The following TJP2 variants were observed in gnomAD, a reference collection of about 807,000 sequenced individuals.
The protein encoded by TJP2 is tight junction protein 2, also known as Friedreich ataxia region gene X104 (tight junction protein ZO-2).
A neutral mutation model predicts 133.1 loss-of-function variants in TJP2; 91 were observed. The ratio of observed to expected loss-of-function variants is 0.68; its 90% CI spans 0.58 to 0.81. The LOEUF (loss-of-function observed/expected upper bound fraction) is 0.81, where lower values mean the gene tolerates loss of function less well. Among genes scored for constraint, TJP2 ranks in the 40% least tolerant of loss-of-function variants. TJP2 has a pLI of 0.00. For synonymous variants in TJP2, 592 were observed against 583.4 expected (o/e 1.01, Z -0.21); for missense variants, 1,541 against 1,565.6 (o/e 0.98, Z 0.26).
chr9:69,149,268 G>T (rs548475558), intron 1 of TJP2, among the ~76,000 whole-genome samples: 8 of 152,284 alleles, frequency 5.3e-5, no homozygotes, highest in African/African-American at 1.9e-4. Context: ...TTTAATAAAA[G>T]AAATAAGCTC....
chr9:69,127,170 C>T lies in TJP2; in HGVS notation c.-131+5445C>T, dbSNP rs1220643846. 5.5e-5 allele frequency among the ~76,000 whole-genome samples: 4 copies of T among 73,014 alleles called. 2 individuals carry two copies. The highest frequency in any genetic ancestry group is 8.4e-5 in the African/African-American group (2 of 23,710). The allele number at this position is 73,014 out of a possible 152,430, so 47.9% of individuals were successfully genotyped here. On this transcript the variant is annotated intron_variant, in intron 1 of 5. Transcript: ENST00000423935. Reference sequence around the variant, plus strand: ...CTGCAAGCTCTGCCTCCCGGGTTCACGCCATTCTCCTGCCTCAGCCTCCTG... The same window carrying T: ...CTGCAAGCTCTGCCTCCCGGGTTCATGCCATTCTCCTGCCTCAGCCTCCTG...
At position 69,189,656 on chromosome 9, in the gene TJP2, A is replaced by G. The variant is rs527298702; in HGVS notation, c.60+15224A>G. 3.1e-4 allele frequency among the ~76,000 whole-genome samples: 10 copies of G among 32,072 alleles called. 3 individuals carry two copies. Among genetic ancestry groups the G allele is most frequent in the African/African-American group, 7.0e-4 (10 of 14,202 alleles). 21.0% of individuals were successfully genotyped at this position (32,072 alleles called of 152,430 possible). A position where few individuals can be genotyped will look rare whatever the true frequency, so the allele number is the denominator to read the frequency against. ...CACTTTTTTTTTTTTTTTAAGTTTA[A>G]AAAAGTTAAAAAAAAAAAAAGACAA... On this transcript the variant is annotated intron_variant, in intron 1 of 22. Transcript: ENST00000377245.
At chr9:69,137,237 CTTT>C (rs1822777626) in intron 1 of TJP2, among the ~76,000 whole-genome samples, 3 of 35,566 alleles carry the variant, frequency 8.4e-5, no homozygotes, top group African/African-American at 2.7e-4. Flanking sequence ...TTCTTTCTTT[CTTT>C]CTCTCTCTCT....
chr9:69,249,795 G>T, intron 20 of TJP2: 7 of 973,816 alleles, frequency 7.2e-6, no homozygotes, highest in Non-Finnish European at 7.3e-6. Flanking sequence ...TGTATACCCA[G>T]AATCACCAAT....
intron 1 of TJP2, among the ~76,000 whole-genome samples, chr9:69,192,213 T>C (rs1003413741): frequency 6.6e-6 from 1 of 151,670 alleles, no homozygotes; most frequent in African/African-American, 2.4e-5. Flanking sequence ...CTTGGGAGAC[T>C]GAGGCAGGAG....
intron 2 of TJP2, among the ~76,000 whole-genome samples, chr9:69,152,790 G>C (rs1263622884): frequency 1.3e-5 from 1 of 77,312 alleles, no homozygotes; most frequent in Non-Finnish European, 2.8e-5. Context: ...TGTGGGTTTT[G>C]TTTACTGAAA....
At chr9:69,151,573 G>A in intron 1 of TJP2, 2 of 1,228,208 alleles carry the variant, frequency 1.6e-6, no homozygotes, top group Non-Finnish European at 2.0e-6. Context: ...ATGGTATGTG[G>A]ACTTCAGTGC....
chr9:69,182,788 C>CTTTT (rs35602682), intron 1 of TJP2, among the ~76,000 whole-genome samples: 2 of 129,420 alleles, frequency 1.5e-5, no homozygotes, highest in African/African-American at 2.9e-5. Context: ...TGATGAATTT[C>CTTTT]TTTTTTTTTT....
intron 1 of TJP2, among the ~76,000 whole-genome samples, chr9:69,208,655 G>A (rs908071223): frequency 1.3e-5 from 2 of 152,148 alleles, no homozygotes; most frequent in African/African-American, 4.8e-5. Context: ...TATTTTAAAA[G>A]TAATGTACTC....
chr9:69,154,751 CCTGT>C (rs1007882964), intron 2 of TJP2, among the ~76,000 whole-genome samples: 1 of 150,434 alleles, frequency 6.6e-6, no homozygotes, highest in East Asian at 2.0e-4. Flanking sequence ...ATAAGGAGAC[CCTGT>C]CTCTTTTTCA....
chr9:69,234,071 G>C (rs768952961), intron 11 of TJP2, among the ~76,000 whole-genome samples: 4 of 152,162 alleles, frequency 2.6e-5, no homozygotes, highest in Non-Finnish European at 4.4e-5. Context: ...TCATACTTGT[G>C]TATTACCTTC....
At chr9:69,137,391 G>A (rs769998923) in intron 1 of TJP2, among the ~76,000 whole-genome samples, 3 of 149,176 alleles carry the variant, frequency 2.0e-5, no homozygotes, top group African/African-American at 5.0e-5. Flanking sequence ...GTGCAGTGGT[G>A]TGATCACAGC....
intron 21 of TJP2, 140 bp from the exon 22 acceptor site, chr9:69,252,675 T>C: frequency 1.2e-6 from 1 of 811,380 alleles, no homozygotes. Context: ...AGGAGGCCGC[T>C]TCTGTGTTTC....
In TJP2 at chr9:69,227,768, T is replaced by C; in HGVS notation, c.1214T>C (p.Ile405Thr). 2 of 1,595,212 alleles carry C rather than the reference T, an allele frequency of 1.3e-6. No individual in the cohort carries two copies. The change falls in exon 8 of 23, where the codon ATT becomes ACT. Residue 405 changes from isoleucine (I) to threonine (T), a missense_variant. Physicochemically the swap from Ile to Thr is moderately conservative, Grantham distance 89 (BLOSUM62 -1). Coordinates refer to ENST00000377245, the MANE Select transcript of TJP2 (RefSeq NM_004817.4). ...LNDSDSEIED[I>T]SEIESNRSFS... ...CTTTTCTTATTTTTGAAACTAGATA[T>C]TTCAGAAATAGAGTCAAACCGATCA... is the stretch of plus-strand genomic sequence containing the variant.
intron 1 of TJP2, among the ~76,000 whole-genome samples, chr9:69,196,978 T>G (rs556106451): frequency 2.6e-5 from 2 of 77,940 alleles, no homozygotes. Context: ...CACACACACA[T>G]GTTTTCTGGA....
At chr9:69,220,791 G>A (rs1828762436) in intron 4 of TJP2, 96 bp from the exon 5 acceptor site, 12 of 1,262,732 alleles carry the variant, frequency 9.5e-6, no homozygotes, top group Admixed American at 5.3e-5. Context: ...CAGGGATACG[G>A]TTTTCCTGAA....
At chr9:69,240,221 A>ATTTCTCTTTGTTAGGTGTG in intron 17 of TJP2, 74 bp downstream of exon 17, 1 of 1,332,954 alleles carries the variant, frequency 7.5e-7, no homozygotes. Flanking sequence ...AGAAATAATT[A>ATTTCTCTTTGTTAGGTGTG]ATTAATCTGA....
chr9:69,249,643 T>G, intron 20 of TJP2, 158 bp downstream of exon 20: 1 of 985,306 alleles, frequency 1.0e-6, no homozygotes, highest in Non-Finnish European at 1.2e-6. Flanking sequence ...GCCTGTTGGG[T>G]GAACTCCCAA....
In TJP2 at chr9:69,242,232, T is replaced by A. The variant is rs531506398; in HGVS notation, c.2566+2085T>A. 2.1e-3 allele frequency among the ~76,000 whole-genome samples: 326 copies of A among 152,158 alleles called. 2 individuals are homozygous for A. The highest frequency in any genetic ancestry group is 3.3e-3 in the Admixed American group (51 of 15,280). On this transcript the variant is annotated intron_variant, in intron 17 of 22. Transcript: ENST00000377245. ...GCACAGGCCACGGTAGCTGGCTGAG[T>A]GTGAGTAAGAATCTAGAGGGGTCCA...
Sources: allele counts gnomAD v4.1 joint callset (sites outside exome capture counted in the v4.1 genomes callset), GRCh38; gene constraint gnomAD v4.1.1; transcripts MANE v1.5; gene names NCBI Gene and HGNC (gene_info 2026-07-23, HGNC 2026-07-21).